Variants in NAV1 observed in about 807,000 individuals in gnomAD.
NAV1 encodes the protein neuron navigator 1.
Under a neutral mutation model 175.2 loss-of-function variants are expected in NAV1, and 18 were observed. That is an observed-to-expected ratio of 0.10 (90% confidence interval 0.07 to 0.15). The LOEUF (loss-of-function observed/expected upper bound fraction) is 0.15, where lower values mean the gene tolerates loss of function less well. Ranked by LOEUF, NAV1 falls within the 10% of genes least tolerant of loss-of-function variation. The pLI is 1.00. For missense variants in NAV1, 1,731 were observed against 2,436.6 expected (o/e 0.71, Z 6.10); for synonymous variants, 897 against 978.7 (o/e 0.92, Z 1.56).
At chr1:201,756,809 C>CTTCTTTCTTTCTTTCTTTCT (rs534285799) in intron 3 of NAV1, among the ~76,000 whole-genome samples, 4 of 27,002 alleles carry the variant, frequency 1.5e-4, no homozygotes, top group South Asian at 1.2e-3. Flanking sequence ...TCTTTCTTTC[C>CTTCTTTCTTTCTTTCTTTCT]TTCTTTCTTT....
Position 201,813,123 on chromosome 1 carries a change from C to G in NAV1, c.5222-17C>G. ...CTAGGTTCCCAGCCATCTTCATGGCCCCATCCTCTTCCCTAGGCCCTTGCT... is the reference window on the plus strand; with the variant it reads ...CTAGGTTCCCAGCCATCTTCATGGCGCCATCCTCTTCCCTAGGCCCTTGCT... On this transcript the variant is annotated splice_polypyrimidine_tract_variant and intron_variant, in intron 27 of 29. Transcript: ENST00000367296. This position sits in a 1 kb window ranked among gnomAD's most constrained non-coding sequence, Gnocchi z 4.2. 6.3e-7 allele frequency: 1 copy of G among 1,585,336 alleles called. No homozygotes were observed. Among genetic ancestry groups the G allele is most frequent in the Non-Finnish European group, 8.7e-7 (1 of 1,154,360 alleles).
At chr1:201,620,839 A>T (rs1199390994), upstream of NAV1, among the ~76,000 whole-genome samples, 1 of 151,754 alleles carries the variant, frequency 6.6e-6, no homozygotes, top group Admixed American at 6.6e-5. Context: ...GATAGCAACA[A>T]ATGATAACTT....
chr1:201,665,436 A>T (rs1669782564), intron 1 of NAV1, among the ~76,000 whole-genome samples: 1 of 152,046 alleles, frequency 6.6e-6, no homozygotes, highest in Non-Finnish European at 1.5e-5. Flanking sequence ...GCTCATGGAG[A>T]TGGGGTGAGG....
chr1:201,648,229 C>T, upstream of NAV1: 1 of 1,013,490 alleles, frequency 9.9e-7, no homozygotes, highest in Non-Finnish European at 1.2e-6. Flanking sequence ...GGCCGGGGCG[C>T]TGCCCGGCAG....
intron 2 of NAV1, among the ~76,000 whole-genome samples, chr1:201,613,086 G>A (rs1003590021): frequency 4.6e-5 from 7 of 152,100 alleles, no homozygotes; most frequent in South Asian, 2.1e-4. Context: ...GATTCTGTCC[G>A]TGGCCTCTGG....
chr1:201,585,816 C>T (rs1228300767), intron 1 of NAV1, among the ~76,000 whole-genome samples: 1 of 152,120 alleles, frequency 6.6e-6, no homozygotes, highest in East Asian at 1.9e-4. Context: ...AAGTAACAAG[C>T]ATTGGCGATG....
At chr1:201,663,678 C>A (rs1172272918) in intron 1 of NAV1, among the ~76,000 whole-genome samples, 1 of 152,196 alleles carries the variant, frequency 6.6e-6, no homozygotes, top group Non-Finnish European at 1.5e-5. Context: ...GGTTCCTTCT[C>A]TTCTCTCATG....
At chr1:201,604,780 A>G (rs1313315116) in intron 2 of NAV1, among the ~76,000 whole-genome samples, 1 of 150,984 alleles carries the variant, frequency 6.6e-6, no homozygotes, top group Non-Finnish European at 1.5e-5. Context: ...AAGAAAGAAA[A>G]GAAAAGAAGG....
At chr1:201,790,222 G>A (rs902262974) in intron 11 of NAV1, among the ~76,000 whole-genome samples, 8 of 152,208 alleles carry the variant, frequency 5.3e-5, no homozygotes, top group Non-Finnish European at 1.2e-4. Context: ...TTCTTGATTT[G>A]TAGATTTGTT....
At chr1:201,731,644 G>A (rs1672865313) in intron 3 of NAV1, among the ~76,000 whole-genome samples, 1 of 152,140 alleles carries the variant, frequency 6.6e-6, no homozygotes, top group South Asian at 2.1e-4. Flanking sequence ...CCTCTACCCA[G>A]CCTCAATCTC....
intron 15 of NAV1, chr1:201,797,076 C>T (rs893689681): frequency 3.3e-5 from 5 of 152,144 alleles, no homozygotes; most frequent in Non-Finnish European, 5.9e-5. Context: ...AATCCAGGGT[C>T]ATGAAGACTT....
intron 1 of NAV1, among the ~76,000 whole-genome samples, chr1:201,669,113 C>A (rs1669941936): frequency 6.6e-6 from 1 of 152,194 alleles, no homozygotes; most frequent in Admixed American, 6.5e-5. Flanking sequence ...ATCCTCAACA[C>A]CTGTCGGGTA....
chr1:201,753,672 G>C (rs1270654758), intron 3 of NAV1, among the ~76,000 whole-genome samples: 1 of 152,160 alleles, frequency 6.6e-6, no homozygotes, highest in Non-Finnish European at 1.5e-5. Context: ...CTCATCATGA[G>C]AGGTCAAACG....
chr1:201,570,714 T>C (rs1306510380), intron 1 of NAV1, among the ~76,000 whole-genome samples: 1 of 152,216 alleles, frequency 6.6e-6, no homozygotes, highest in Non-Finnish European at 1.5e-5. Flanking sequence ...GTCTCCCTTT[T>C]CTGCTCAGAA....
chr1:201,719,192 G>T (rs1020186303), intron 3 of NAV1, among the ~76,000 whole-genome samples: 2 of 150,968 alleles, frequency 1.3e-5, no homozygotes. Flanking sequence ...TATTAACATC[G>T]TATCTGTCTA....
chr1:201,798,201 C>T (rs1677582218), intron 15 of NAV1: 1 of 152,112 alleles, frequency 6.6e-6, no homozygotes, highest in African/African-American at 2.4e-5. Flanking sequence ...CAATTCTATC[C>T]CTCTTCTGTA....
At chr1:201,599,627 C>T (rs536898534) in intron 2 of NAV1, among the ~76,000 whole-genome samples, 1 of 152,310 alleles carries the variant, frequency 6.6e-6, no homozygotes, top group African/African-American at 2.4e-5. Flanking sequence ...GGGAGCTTCT[C>T]TCCATGAATT....
intron 1 of NAV1, among the ~76,000 whole-genome samples, chr1:201,572,988 C>T (rs1666592047): frequency 6.9e-6 from 1 of 145,498 alleles, no homozygotes; most frequent in Admixed American, 6.8e-5. Context: ...AGCCTGAGCC[C>T]AGCAGCCCAA....
chr1:201,681,549 A>C (rs748983253), intron 1 of NAV1, among the ~76,000 whole-genome samples: 2 of 152,230 alleles, frequency 1.3e-5, no homozygotes. Flanking sequence ...TGTTCGGTCC[A>C]GCTGGACTCC....
Sources: gnomAD v4.1 joint callset for allele counts (sites outside exome capture counted in the v4.1 genomes callset) on GRCh38, gnomAD v4.1.1 for gene constraint, Gnocchi (gnomAD v3.1) non-coding constraint, MANE v1.5 for transcripts, NCBI Gene and HGNC (gene_info 2026-07-23, HGNC 2026-07-21) for gene names.